The following DPH6 variants were observed in gnomAD, a reference collection of about 807,000 sequenced individuals.
The protein encoded by DPH6 is diphthamine biosynthesis 6, also known as diphthine--ammonia ligase.
In DPH6, 33 loss-of-function variants were observed where a neutral mutation model predicts 38.2. That is an observed-to-expected ratio of 0.86 (90% CI 0.65 to 1.15). The LOEUF is 1.15. Among genes scored for constraint, DPH6 ranks in the 50% most tolerant of loss-of-function variants. The probability of loss-of-function intolerance (pLI) is 0.00; values close to 1 mark genes in which losing one functional copy is unlikely to be tolerated. For synonymous variants in DPH6, 108 were observed against 103.0 expected, an observed-to-expected ratio of 1.05 and a Z score of -0.30; for missense variants, 325 against 320.0, an observed-to-expected ratio of 1.02 and a Z score of -0.12.
chr15:35,525,700 C>T (rs1444936266), intron 3 of DPH6, among the ~76,000 whole-genome samples: 1 of 152,042 alleles, frequency 6.6e-6, no homozygotes, highest in Non-Finnish European at 1.5e-5. Flanking sequence ...ATTAGCCGGC[C>T]ATGGTTGCAT....
At chr15:35,505,111 T>G (rs2054677543) in intron 3 of DPH6, among the ~76,000 whole-genome samples, 1 of 152,106 alleles carries the variant, frequency 6.6e-6, no homozygotes, top group Non-Finnish European at 1.5e-5. Flanking sequence ...CAAATTACAT[T>G]TACAAATCAC....
chr15:35,540,369 T>C (rs1229089893), intron 2 of DPH6, among the ~76,000 whole-genome samples: 1 of 152,078 alleles, frequency 6.6e-6, no homozygotes, highest in Non-Finnish European at 1.5e-5. Context: ...ATAAATTCCT[T>C]TTCACACCAC....
intron 3 of DPH6, among the ~76,000 whole-genome samples, chr15:35,350,372 T>C (rs2052499804): frequency 6.6e-6 from 1 of 151,678 alleles, no homozygotes; most frequent in African/African-American, 2.4e-5. Context: ...TTTATTGATC[T>C]TTTCAAAAAA....
chr15:35,497,746 C>T (rs759329152), intron 3 of DPH6, among the ~76,000 whole-genome samples: 17 of 152,080 alleles, frequency 1.1e-4, no homozygotes, highest in Non-Finnish European at 2.4e-4. Flanking sequence ...AAAACCAAGA[C>T]ACAAAAATAA....
At chr15:35,488,070 T>C (rs1279575734) in intron 3 of DPH6, among the ~76,000 whole-genome samples, 1 of 152,174 alleles carries the variant, frequency 6.6e-6, no homozygotes, top group Admixed American at 6.6e-5. Flanking sequence ...TTTGCTCCAG[T>C]TCCCAGTAAG....
At chr15:35,384,534 GA>G (rs895148143) in intron 6 of DPH6, among the ~76,000 whole-genome samples, 2 of 151,140 alleles carry the variant, frequency 1.3e-5, no homozygotes, top group African/African-American at 2.4e-5. Flanking sequence ...GTCATTTGTG[GA>G]AAAAAAAATC....
the DPH6 span, among the ~76,000 whole-genome samples, chr15:35,171,201 CT>C: frequency 6.6e-6 from 1 of 152,186 alleles, no homozygotes; most frequent in Non-Finnish European, 1.5e-5. Flanking sequence ...AAAATGCTTC[CT>C]TTTAAATGGT....
intron 3 of DPH6, among the ~76,000 whole-genome samples, chr15:35,499,090 T>C (rs1372514528): frequency 2.6e-5 from 4 of 152,090 alleles, no homozygotes; most frequent in Admixed American, 2.0e-4. Flanking sequence ...TGAGTTCCAG[T>C]AGCTGTTACT....
At chr15:35,401,065 A>G in intron 6 of DPH6, 1 of 898,716 alleles carries the variant, frequency 1.1e-6, no homozygotes, top group Admixed American at 1.7e-5. Context: ...TATTTTCAAC[A>G]GTACAGAAAA....
At chr15:35,411,444 TCG>T (rs1367169505) in intron 5 of DPH6, among the ~76,000 whole-genome samples, 1 of 151,724 alleles carries the variant, frequency 6.6e-6, no homozygotes, top group African/African-American at 2.4e-5. Context: ...AATGACTCCT[TCG>T]CAACACTGTA....
At chr15:35,287,168 T>A (rs1019169392) in intron 3 of DPH6, among the ~76,000 whole-genome samples, 3 of 152,182 alleles carry the variant, frequency 2.0e-5, no homozygotes, top group Non-Finnish European at 4.4e-5. Flanking sequence ...AATCTTTTTA[T>A]GAGTCAAGAG....
chr15:35,154,283 T>C, the DPH6 span, among the ~76,000 whole-genome samples: 1 of 152,146 alleles, frequency 6.6e-6, no homozygotes, highest in Non-Finnish European at 1.5e-5. Context: ...CATCAAATTT[T>C]AGGCCATAAA....
chr15:35,359,907 G>A (rs974775430), intron 3 of DPH6, among the ~76,000 whole-genome samples: 2 of 151,786 alleles, frequency 1.3e-5, no homozygotes, highest in Non-Finnish European at 2.9e-5. Flanking sequence ...TTTTATTCAT[G>A]TATTGTCTTC....
At chr15:35,192,509 C>T in the DPH6 span, among the ~76,000 whole-genome samples, 1 of 152,184 alleles carries the variant, frequency 6.6e-6, no homozygotes, top group Non-Finnish European at 1.5e-5. Flanking sequence ...TCATTTCCTT[C>T]ATGTGTGAAC....
chr15:35,210,581 A>G, the DPH6 span, among the ~76,000 whole-genome samples: 1 of 152,246 alleles, frequency 6.6e-6, no homozygotes, highest in South Asian at 2.1e-4. Context: ...TAAATAGTGT[A>G]TAAACAGTCA....
chr15:35,347,334 G>A (rs932570934), intron 3 of DPH6, among the ~76,000 whole-genome samples: 8 of 151,976 alleles, frequency 5.3e-5, no homozygotes, highest in South Asian at 4.1e-4. Flanking sequence ...TTGTTTGTTT[G>A]TAGAGATGGG....
chr15:35,298,137 A>T, intron 3 of DPH6: 1 of 370,690 alleles, frequency 2.7e-6, no homozygotes, highest in East Asian at 6.5e-5. Flanking sequence ...AAGTCCCTCC[A>T]AGAGTCTCAG....
chr15:35,245,038 G>A (rs2051626528), intron 3 of DPH6, among the ~76,000 whole-genome samples: 1 of 152,106 alleles, frequency 6.6e-6, no homozygotes, highest in African/African-American at 2.4e-5. Context: ...TACACTTTTA[G>A]GGGGAGGCTA....
At chr15:35,465,704 T>C (rs2054118030) in intron 3 of DPH6, among the ~76,000 whole-genome samples, 1 of 152,136 alleles carries the variant, frequency 6.6e-6, no homozygotes, top group Non-Finnish European at 1.5e-5. Context: ...AAATGGAAAA[T>C]GATCACCATC....
Sources: allele counts gnomAD v4.1 joint callset (sites outside exome capture counted in the v4.1 genomes callset), GRCh38; gene constraint gnomAD v4.1.1; transcripts MANE v1.5; gene names NCBI Gene and HGNC (gene_info 2026-07-23, HGNC 2026-07-21).